MALRD1: variants seen among roughly 807,000 people sequenced by gnomAD.
The protein encoded by MALRD1 is MAM and LDL receptor class A domain containing 1.
Under a neutral mutation model 242.1 loss-of-function variants are expected in MALRD1, and 247 were observed. The observed-to-expected ratio is 1.02, with a 90% CI of 0.92 to 1.13. The LOEUF is 1.13. MALRD1 is among the 50% of genes most tolerant of loss of function. The pLI, the probability that MALRD1 is intolerant of heterozygous loss-of-function variation, is 0.00. For synonymous variants in MALRD1, 995 were observed against 866.6 expected (o/e 1.15, Z -2.60); for missense variants, 2,989 against 2,533.1 (o/e 1.18, Z -3.86).
intron 36 of MALRD1, among the ~76,000 whole-genome samples, chr10:19,689,931 A>T (rs1223496987): frequency 6.6e-6 from 1 of 152,124 alleles, no homozygotes. Flanking sequence ...ATATAAGTTT[A>T]AAATCTCAGT....
chr10:19,237,641 TA>T (rs149715079), intron 18 of MALRD1, among the ~76,000 whole-genome samples: 1 of 64,158 alleles, frequency 1.6e-5, no homozygotes, highest in Non-Finnish European at 2.8e-5. Context: ...TAATTATATA[TA>T]AATTATTATA....
At chr10:19,733,595 G>A (rs1835379216) in intron 39 of MALRD1, among the ~76,000 whole-genome samples, 1 of 151,284 alleles carries the variant, frequency 6.6e-6, no homozygotes, top group Admixed American at 6.6e-5. Context: ...GGGTAGATAT[G>A]GCTCTTAAAT....
intron 7 of MALRD1, among the ~76,000 whole-genome samples, chr10:19,125,321 C>CTT (rs1564407931): frequency 3.9e-5 from 3 of 77,236 alleles, no homozygotes; most frequent in African/African-American, 1.7e-4. Flanking sequence ...TTCCTTCCTT[C>CTT]CTTCTTTCTT....
chr10:19,297,701 A>G (rs117291975), intron 21 of MALRD1, among the ~76,000 whole-genome samples: 180 of 152,040 alleles, frequency 1.2e-3, no homozygotes, highest in Non-Finnish European at 1.9e-3. Context: ...ATTTTATGCA[A>G]GTAACAGGGG....
intron 25 of MALRD1, among the ~76,000 whole-genome samples, chr10:19,350,605 C>T (rs1361561623): frequency 6.6e-6 from 1 of 152,058 alleles, no homozygotes; most frequent in African/African-American, 2.4e-5. Flanking sequence ...TTCACTCTCA[C>T]TACCCTGTGT....
chr10:19,111,650 A>G (rs1836683855), intron 5 of MALRD1, among the ~76,000 whole-genome samples: 2 of 152,302 alleles, frequency 1.3e-5, no homozygotes, highest in Non-Finnish European at 2.9e-5. Flanking sequence ...CTGCAACCCT[A>G]TTTTTAGGCT....
At chr10:19,407,004 T>C (rs1833055680) in intron 28 of MALRD1, among the ~76,000 whole-genome samples, 1 of 152,194 alleles carries the variant, frequency 6.6e-6, no homozygotes, top group Admixed American at 6.5e-5. Context: ...CTGCTTCCTG[T>C]CTTAAATGAG....
chr10:19,430,111 C>CTTCTTTTTTT (rs1554769773), intron 28 of MALRD1, among the ~76,000 whole-genome samples: 5 of 83,494 alleles, frequency 6.0e-5, no homozygotes, highest in African/African-American at 2.0e-4. Flanking sequence ...CTCCATTTTC[C>CTTCTTTTTTT]TTTTTTTTTT....
chr10:19,628,517 A>G (rs1280950346), intron 36 of MALRD1, among the ~76,000 whole-genome samples: 1 of 152,122 alleles, frequency 6.6e-6, no homozygotes, highest in African/African-American at 2.4e-5. Context: ...CCAGAATAAT[A>G]TGTATATTAA....
chr10:19,564,891 G>T (rs911087168), intron 32 of MALRD1, among the ~76,000 whole-genome samples: 9 of 152,078 alleles, frequency 5.9e-5, no homozygotes, highest in Non-Finnish European at 1.3e-4. Flanking sequence ...TATAATTTTA[G>T]TTGTTAGTGG....
intron 26 of MALRD1, among the ~76,000 whole-genome samples, chr10:19,358,769 C>A (rs1368291019): frequency 6.6e-6 from 1 of 152,042 alleles, no homozygotes; most frequent in Non-Finnish European, 1.5e-5. Context: ...TCTCTTTATT[C>A]CTGCTAAGGA....
chr10:19,330,503 G>C (rs1222930923), intron 23 of MALRD1, among the ~76,000 whole-genome samples: 1 of 151,896 alleles, frequency 6.6e-6, no homozygotes, highest in Non-Finnish European at 1.5e-5. Context: ...AATTTATTTT[G>C]AAATATCTCA....
chr10:19,152,158 T>C (rs1833965799), intron 11 of MALRD1, among the ~76,000 whole-genome samples: 3 of 152,138 alleles, frequency 2.0e-5, no homozygotes, highest in African/African-American at 7.2e-5. Context: ...AATAAACAAA[T>C]CTGATTACCA....
At chr10:19,094,665 T>G (rs1205669112) in intron 4 of MALRD1, among the ~76,000 whole-genome samples, 2 of 152,206 alleles carry the variant, frequency 1.3e-5, no homozygotes, top group Non-Finnish European at 2.9e-5. Context: ...ACTTTTCTCA[T>G]GCTTTTGAGA....
chr10:19,245,561 G>C (rs1050117457), intron 18 of MALRD1, among the ~76,000 whole-genome samples: 3 of 152,128 alleles, frequency 2.0e-5, no homozygotes, highest in Admixed American at 2.0e-4. Flanking sequence ...GCATGTATGT[G>C]AAAAATTATA....
At chr10:19,426,404 A>C (rs1833904604) in intron 28 of MALRD1, among the ~76,000 whole-genome samples, 1 of 152,234 alleles carries the variant, frequency 6.6e-6, no homozygotes, top group Non-Finnish European at 1.5e-5. Context: ...AAATACCTGC[A>C]GAAAGCATGA....
At chr10:19,315,153 A>G (rs1187467747) in intron 21 of MALRD1, among the ~76,000 whole-genome samples, 1 of 136,654 alleles carries the variant, frequency 7.3e-6, no homozygotes, top group African/African-American at 2.7e-5. Flanking sequence ...TATAATTTAT[A>G]GAAATATGTA....
chr10:19,554,018 C>T (rs1369512502), intron 32 of MALRD1, among the ~76,000 whole-genome samples: 1 of 152,144 alleles, frequency 6.6e-6, no homozygotes, highest in Non-Finnish European at 1.5e-5. Flanking sequence ...ATAAGCAAAA[C>T]ATACAAAATC....
At chr10:19,589,268 G>C (rs1837626307) in intron 33 of MALRD1, among the ~76,000 whole-genome samples, 1 of 145,518 alleles carries the variant, frequency 6.9e-6, no homozygotes, top group South Asian at 2.2e-4. Flanking sequence ...ACCAGTATTA[G>C]TGTGTATAAA....
Sources: gnomAD v4.1 joint callset for allele counts (sites outside exome capture counted in the v4.1 genomes callset) on GRCh38, gnomAD v4.1.1 for gene constraint, MANE v1.5 for transcripts, NCBI Gene and HGNC (gene_info 2026-07-23, HGNC 2026-07-21) for gene names.